Variants in BIK observed in about 807,000 individuals in gnomAD.
The protein encoded by BIK is bcl-2-interacting killer.
In BIK, 14 loss-of-function variants were observed where a neutral mutation model predicts 12.1. The observed-to-expected ratio is 1.16, with a 90% CI of 0.77 to 1.81. BIK has a LOEUF of 1.81. Among genes scored for constraint, BIK ranks in the 40% most tolerant of loss-of-function variants. BIK has a pLI of 0.00. For missense variants in BIK, 215 were observed against 207.9 expected (o/e 1.03, Z -0.21); for synonymous variants, 86 against 92.3 (o/e 0.93, Z 0.39).
intron 1 of BIK, among the ~76,000 whole-genome samples, chr22:43,118,196 A>G (rs1480463070): frequency 6.6e-6 from 1 of 151,924 alleles, no homozygotes; most frequent in African/African-American, 2.4e-5. Flanking sequence ...CTAGAAATCA[A>G]AGGTCATGTG....
chr22:43,116,342 C>T (rs1346103191), intron 1 of BIK, among the ~76,000 whole-genome samples: 1 of 152,166 alleles, frequency 6.6e-6, no homozygotes, highest in Non-Finnish European at 1.5e-5. Context: ...GTGGCGCAGT[C>T]ACAGCTCACT....
At chr22:43,118,739 C>A (rs1005822944) in intron 1 of BIK, among the ~76,000 whole-genome samples, 1 of 152,158 alleles carries the variant, frequency 6.6e-6, no homozygotes, top group Admixed American at 6.5e-5. Context: ...AGTGTCAGAT[C>A]CCGCCTGCTT....
At chr22:43,114,725 A>G (rs887395672) in intron 1 of BIK, among the ~76,000 whole-genome samples, 3 of 152,236 alleles carry the variant, frequency 2.0e-5, no homozygotes, top group Non-Finnish European at 4.4e-5. Flanking sequence ...ATGGCGCATC[A>G]TGAAGATAAA....
Position 43,128,573 on chromosome 22 carries a change from C to T in BIK, c.338C>T (p.Thr113Ile). The change falls in exon 4 of 5, where the codon ACA becomes ATA. Residue 113 changes from threonine to isoleucine, a missense_variant. Coordinates refer to ENST00000216115, the MANE Select transcript of BIK (RefSeq NM_001197.5). ...AGAAGTTTCATGGACGGTTTCACCA[C>T]ACTTAAGGAGAACATAATGAGGTTC... ...VLRSFMDGFT[T>I]LKENIMRFWR... The T allele has an allele frequency of 6.2e-7, 1 of 1,614,034 alleles. No homozygotes were observed. Among genetic ancestry groups the T allele is most frequent in the Non-Finnish European group, 8.5e-7 (1 of 1,179,906 alleles).
chr22:43,120,884 G>A (rs932638932), intron 1 of BIK, among the ~76,000 whole-genome samples: 1 of 152,190 alleles, frequency 6.6e-6, no homozygotes, highest in African/African-American at 2.4e-5. Context: ...GTGGTAGAGG[G>A]TAATGGGTAT....
At chr22:43,116,316 C>T (rs903929574) in intron 1 of BIK, among the ~76,000 whole-genome samples, 3 of 152,164 alleles carry the variant, frequency 2.0e-5, no homozygotes, top group African/African-American at 7.2e-5. Flanking sequence ...CACTCTGTCG[C>T]CCAGGCTGGA....
chr22:43,122,748 T>C (rs954909129), intron 1 of BIK, among the ~76,000 whole-genome samples: 9 of 152,150 alleles, frequency 5.9e-5, no homozygotes, highest in Admixed American at 5.9e-4. Flanking sequence ...TTGGGTTCAT[T>C]TTTCTTACAC....
chr22:43,123,746 A>G (rs1930260054), intron 1 of BIK, among the ~76,000 whole-genome samples: 2 of 152,188 alleles, frequency 1.3e-5, no homozygotes, highest in Admixed American at 1.3e-4. Context: ...TCAGTATCCA[A>G]AAACAAAGAA....
At chr22:43,116,703 C>A (rs923342671) in intron 1 of BIK, among the ~76,000 whole-genome samples, 1 of 151,962 alleles carries the variant, frequency 6.6e-6, no homozygotes, top group Non-Finnish European at 1.5e-5. Context: ...GTGATCCGCC[C>A]GCCTCGGCCT....
chr22:43,127,582 A>G, intron 2 of BIK, 115 bp from the exon 3 acceptor site: 3 of 901,292 alleles, frequency 3.3e-6, no homozygotes, highest in Non-Finnish European at 5.0e-6. Flanking sequence ...ATCTGACACC[A>G]TCTCTTATCC....
At chr22:43,117,811 A>C (rs1479547415) in intron 1 of BIK, among the ~76,000 whole-genome samples, 1 of 151,626 alleles carries the variant, frequency 6.6e-6, no homozygotes, top group African/African-American at 2.4e-5. Flanking sequence ...GCTGGATTAC[A>C]GGCGCGCACC....
intron 1 of BIK, among the ~76,000 whole-genome samples, chr22:43,123,120 C>T (rs1357849369): frequency 6.6e-6 from 1 of 152,196 alleles, no homozygotes; most frequent in Non-Finnish European, 1.5e-5. Flanking sequence ...GGCTGTAAGA[C>T]ACTGTATGGG....
At chr22:43,128,693 TG>T in intron 4 of BIK, 68 bp downstream of exon 4, 1 of 1,539,990 alleles carries the variant, frequency 6.5e-7, no homozygotes, top group Non-Finnish European at 8.8e-7. Flanking sequence ...AGCCGCTCCT[TG>T]GGGCGCCACA....
At chr22:43,128,939 C>T (rs116322903) in intron 4 of BIK, among the ~76,000 whole-genome samples, 2,038 of 152,350 alleles carry the variant, frequency 0.013, 52 homozygotes, top group African/African-American at 0.047. Flanking sequence ...CACTCGGCAC[C>T]GCCCACCACA....
At chr22:43,121,232 G>A (rs1601730745) in intron 1 of BIK, among the ~76,000 whole-genome samples, 1 of 152,120 alleles carries the variant, frequency 6.6e-6, no homozygotes, top group African/African-American at 2.4e-5. Context: ...ACAATAGATG[G>A]GGAAACTGAG....
chr22:43,125,598 T>C (rs1930298890), intron 2 of BIK, among the ~76,000 whole-genome samples: 1 of 146,902 alleles, frequency 6.8e-6, no homozygotes, highest in Non-Finnish European at 1.5e-5. Flanking sequence ...TGGGCGCTGG[T>C]AGTCCCAGCT....
intron 1 of BIK, among the ~76,000 whole-genome samples, chr22:43,119,483 T>C (rs904357131): frequency 1.3e-5 from 2 of 152,228 alleles, no homozygotes; most frequent in African/African-American, 4.8e-5. Flanking sequence ...AGCGGTTTAC[T>C]CTGTGCCGGA....
Position 43,126,232 on chromosome 22 carries a change from C to G in BIK, c.162-1465C>G, listed in dbSNP as rs184968330. The stretch of plus-strand genomic sequence containing the variant: ...ACGGAGTCTCGCTGTGTCGCCCAGG[C>G]TGGAGTACAGTGGCATGATCTCTGC... On this transcript the variant is annotated intron_variant, in intron 2 of 4. Coordinates refer to ENST00000216115, the MANE Select transcript of BIK (RefSeq NM_001197.5). Among the ~76,000 whole-genome samples the G allele has an allele frequency of 4.8e-4, 72 of 150,208 alleles. No homozygotes were observed. The East Asian group carries it at 0.013, about 27-fold the overall frequency.
At chr22:43,123,499 A>C (rs1300701295) in intron 1 of BIK, among the ~76,000 whole-genome samples, 1 of 152,210 alleles carries the variant, frequency 6.6e-6, no homozygotes, top group Non-Finnish European at 1.5e-5. Context: ...CTGTCGTCCC[A>C]GCACTTTGGG....
Sources: allele counts gnomAD v4.1 joint callset (sites outside exome capture counted in the v4.1 genomes callset), GRCh38; gene constraint gnomAD v4.1.1; transcripts MANE v1.5; gene names NCBI Gene and HGNC (gene_info 2026-07-23, HGNC 2026-07-21).